The following C12orf42 variants were observed in gnomAD, a reference collection of about 807,000 sequenced individuals.
The protein encoded by C12orf42 is uncharacterized protein C12orf42.
Under a neutral mutation model 21.6 loss-of-function variants are expected in C12orf42, and 25 were observed. The ratio of observed to expected loss-of-function variants is 1.16; its 90% confidence interval spans 0.84 to 1.62. C12orf42 has a LOEUF of 1.62. Ranked by LOEUF, C12orf42 falls within the 40% of genes most tolerant of loss-of-function variation. The pLI, the probability that C12orf42 is intolerant of heterozygous loss-of-function variation, is 0.00. For synonymous variants in C12orf42, 174 were observed against 175.0 expected, an observed-to-expected ratio of 0.99 and a Z score of 0.05; for missense variants, 483 against 459.3, an observed-to-expected ratio of 1.05 and a Z score of -0.47.
intron 4 of C12orf42, among the ~76,000 whole-genome samples, chr12:103,334,168 C>G (rs2041483753): frequency 6.6e-6 from 1 of 152,150 alleles, no homozygotes; most frequent in African/African-American, 2.4e-5. Flanking sequence ...CATATTACTT[C>G]CAACTTTGCT....
At chr12:103,372,808 T>C (rs1334936306) in intron 3 of C12orf42, among the ~76,000 whole-genome samples, 2 of 152,198 alleles carry the variant, frequency 1.3e-5, no homozygotes, top group African/African-American at 4.8e-5. Flanking sequence ...GCCCAGTGCC[T>C]AGCACAGTCC....
chr12:103,184,976 C>A, the C12orf42 span, among the ~76,000 whole-genome samples: 59 of 152,100 alleles, frequency 3.9e-4, no homozygotes, highest in African/African-American at 1.4e-3. Flanking sequence ...AGAAACTAAA[C>A]CCACTAACAC....
At chr12:103,535,803 G>C in the C12orf42 span, among the ~76,000 whole-genome samples, 2 of 152,058 alleles carry the variant, frequency 1.3e-5, no homozygotes, top group Non-Finnish European at 2.9e-5. Context: ...TTTTAGATGG[G>C]TTCTCACTTT....
the C12orf42 span, among the ~76,000 whole-genome samples, chr12:103,140,336 AC>A: frequency 6.6e-6 from 1 of 152,140 alleles, no homozygotes; most frequent in East Asian, 1.9e-4. Flanking sequence ...AAATATTCAG[AC>A]CCCGGGAAGG....
chr12:103,378,156 C>T (rs2045863727), intron 3 of C12orf42, among the ~76,000 whole-genome samples: 1 of 152,158 alleles, frequency 6.6e-6, no homozygotes, highest in Admixed American at 6.6e-5. Context: ...TATTTCTGCC[C>T]ACATGCAACC....
Position 103,399,361 on chromosome 12 carries a change from G to T in C12orf42, c.147+2246C>A, listed in dbSNP as rs959894221. 2.0e-5 allele frequency among the ~76,000 whole-genome samples: 3 copies of T among 151,720 alleles called. No individual in the cohort carries two copies. In the East Asian group the frequency reaches 5.8e-4, roughly 29 times the overall value. ...CACTATTAAGTCTATTTTTGTTGTT[G>T]TTGTTGTTTATTTGTTTGTTTGTTT... On this transcript the variant is annotated intron_variant, in intron 3 of 5. Transcript: ENST00000548883.
chr12:103,549,986 A>G, the C12orf42 span, among the ~76,000 whole-genome samples: 1 of 152,192 alleles, frequency 6.6e-6, no homozygotes, highest in Non-Finnish European at 1.5e-5. Context: ...CAAAAATGGT[A>G]AAGTTCCCTG....
the C12orf42 span, among the ~76,000 whole-genome samples, chr12:103,139,667 C>G: frequency 6.6e-6 from 1 of 152,092 alleles, no homozygotes; most frequent in Admixed American, 6.5e-5. Flanking sequence ...TATAGGCTGA[C>G]TTTGAGGTCC....
the C12orf42 span, among the ~76,000 whole-genome samples, chr12:103,082,942 G>A: frequency 6.6e-5 from 10 of 152,336 alleles, no homozygotes; most frequent in South Asian, 6.2e-4. Context: ...TTCTGTGAAG[G>A]CAGTGGCATA....
the C12orf42 span, among the ~76,000 whole-genome samples, chr12:103,116,577 A>T: frequency 1.6e-4 from 24 of 152,074 alleles, no homozygotes; most frequent in Non-Finnish European, 2.9e-4. Flanking sequence ...AAAAACAGTG[A>T]GTATTCATTG....
chr12:103,160,044 C>T, the C12orf42 span, among the ~76,000 whole-genome samples: 4 of 152,184 alleles, frequency 2.6e-5, no homozygotes, highest in Non-Finnish European at 5.9e-5. Context: ...GTATTTAGCT[C>T]ATTGTGTTTG....
At chr12:103,290,550 A>C (rs2036738283) in intron 4 of C12orf42, among the ~76,000 whole-genome samples, 2 of 152,196 alleles carry the variant, frequency 1.3e-5, no homozygotes, top group African/African-American at 2.4e-5. Flanking sequence ...GCTTTAACCT[A>C]GAGGAGGTGT....
the C12orf42 span, among the ~76,000 whole-genome samples, chr12:103,097,310 G>C: frequency 6.6e-6 from 1 of 152,146 alleles, no homozygotes; most frequent in South Asian, 2.1e-4. Context: ...AGAGAATACA[G>C]AGAGCTATAT....
At chr12:103,216,685 T>A in the C12orf42 span, among the ~76,000 whole-genome samples, 10 of 152,184 alleles carry the variant, frequency 6.6e-5, no homozygotes, top group African/African-American at 2.4e-4. Flanking sequence ...CATTGAAGTT[T>A]ATCTTCACAA....
At chr12:103,552,916 G>A in the C12orf42 span, among the ~76,000 whole-genome samples, 1 of 151,934 alleles carries the variant, frequency 6.6e-6, no homozygotes, top group East Asian at 1.9e-4. Context: ...AAGAGCAGGG[G>A]AAACTGCCTT....
chr12:103,075,951 G>C, the C12orf42 span, among the ~76,000 whole-genome samples: 41 of 152,286 alleles, frequency 2.7e-4, 1 homozygote, highest in Admixed American at 2.3e-3. Context: ...AGCTAGTTTA[G>C]TGAACAGAAG....
intron 3 of C12orf42, among the ~76,000 whole-genome samples, chr12:103,389,344 C>T (rs569460826): frequency 1.3e-5 from 2 of 152,114 alleles, no homozygotes; most frequent in African/African-American, 4.8e-5. Flanking sequence ...AGAGTCAGAT[C>T]CACAATGACT....
the C12orf42 span, among the ~76,000 whole-genome samples, chr12:103,522,501 C>T: frequency 0.032 from 4,812 of 152,224 alleles, 91 homozygotes; most frequent in Middle Eastern, 0.061. Context: ...TCTCTCATGG[C>T]TCTCCAGCAC....
At chr12:103,359,781 G>A (rs1424016455) in intron 4 of C12orf42, among the ~76,000 whole-genome samples, 1 of 151,806 alleles carries the variant, frequency 6.6e-6, no homozygotes, top group African/African-American at 2.4e-5. Flanking sequence ...TATTCCAAGA[G>A]GGCAGGAACC....
Sources: allele counts gnomAD v4.1 joint callset (sites outside exome capture counted in the v4.1 genomes callset), GRCh38; gene constraint gnomAD v4.1.1; transcripts MANE v1.5; gene names NCBI Gene and HGNC (gene_info 2026-07-23, HGNC 2026-07-21).